The following SLC38A10 variants were observed in gnomAD, a reference collection of about 807,000 sequenced individuals.
The protein encoded by SLC38A10 is Sodium-coupled neutral amino acid transporter 10.
A neutral mutation model predicts 81.0 loss-of-function variants in SLC38A10; 53 were observed. That is an observed-to-expected ratio of 0.65 (90% CI 0.53 to 0.82). The LOEUF is 0.82. SLC38A10 is among the 40% of genes least tolerant of loss of function. The pLI, the probability that SLC38A10 is intolerant of heterozygous loss-of-function variation, is 0.00. For missense variants in SLC38A10, 1,471 were observed against 1,545.0 expected, an observed-to-expected ratio of 0.95 and a Z score of 0.80; for synonymous variants, 665 against 655.3, an observed-to-expected ratio of 1.01 and a Z score of -0.23.
At chr17:81,269,950 G>A (rs1318634563) in intron 10 of SLC38A10, among the ~76,000 whole-genome samples, 1 of 152,114 alleles carries the variant, frequency 6.6e-6, no homozygotes, top group Non-Finnish European at 1.5e-5. Context: ...GGCAACAAGA[G>A]TGAAACTCTG....
At chr17:81,284,940 G>C in intron 2 of SLC38A10, 45 bp from the exon 3 acceptor site, 2 of 1,518,282 alleles carry the variant, frequency 1.3e-6, no homozygotes, top group Non-Finnish European at 1.8e-6. Flanking sequence ...AGCGTGAGAA[G>C]CTCGTCCAGA....
intron 4 of SLC38A10, among the ~76,000 whole-genome samples, chr17:81,282,969 G>C (rs1238184013): frequency 6.6e-6 from 1 of 152,204 alleles, no homozygotes; most frequent in African/African-American, 2.4e-5. Flanking sequence ...GGGCCCGTCA[G>C]GTGGGCCTCT....
intron 1 of SLC38A10, 107 bp downstream of exon 1, chr17:81,294,716 G>GC: frequency 2.0e-6 from 2 of 1,025,206 alleles, no homozygotes; most frequent in Admixed American, 8.1e-5. Flanking sequence ...GCCTGCACCC[G>GC]CCCAGCGAAG....
chr17:81,287,157 C>T (rs1387272589), intron 2 of SLC38A10, among the ~76,000 whole-genome samples: 1 of 152,232 alleles, frequency 6.6e-6, no homozygotes, highest in Non-Finnish European at 1.5e-5. Context: ...AAAAACGACA[C>T]CTCTCCAGGC....
In SLC38A10 at chr17:81,274,147, C is replaced by T. The variant is rs571428075; in HGVS notation, c.913-1520G>A. On this transcript the variant is annotated intron_variant, in intron 8 of 15. Coordinates refer to ENST00000374759, the MANE Select transcript of SLC38A10 (RefSeq NM_001037984.3). ...CTGAAAGTTGGCCTGGCCAGATGCG[C>T]GGAGGGACCCCACGGCCATATGACG... is the stretch of plus-strand genomic sequence containing the variant. Among the ~76,000 whole-genome samples, 70 of 152,360 alleles carry T rather than the reference C, an allele frequency of 4.6e-4. 2 individuals are homozygous for T. In the South Asian group the frequency reaches 0.014, roughly 30 times the overall value.
At position 81,262,617 on chromosome 17, in the gene SLC38A10, G is replaced by A. The variant is rs369896419; in HGVS notation, c.1132-2223C>T. ...CCCATAACACCAACACGCTAATTAC[G>A]GGATCTTGGTGAGAGTACCTAAATG... is the stretch of plus-strand genomic sequence containing the variant. On this transcript the variant is annotated intron_variant, in intron 10 of 15. Transcript: ENST00000374759. 7.2e-5 allele frequency among the ~76,000 whole-genome samples: 11 copies of A among 152,288 alleles called. No homozygotes were observed. In the East Asian group the frequency reaches 1.4e-3, roughly 19 times the overall value.
In SLC38A10 at chr17:81,280,667, G is replaced by A. The variant is rs537137584; in HGVS notation, c.568C>T (p.Arg190Cys). The A allele has an allele frequency of 4.0e-5, 64 of 1,610,858 alleles. 1 individual carries two copies. The South Asian group carries it at 5.9e-4, about 15-fold the overall frequency. Residue 190 changes from arginine to cysteine, a missense_variant, in exon 6 of 16, where the codon CGC (arginine) becomes TGC (cysteine). Coordinates refer to ENST00000374759, the MANE Select transcript of SLC38A10 (RefSeq NM_001037984.3). The stretch of plus-strand genomic sequence containing the variant: ...ATGCAGCGGAAGACGCCCTCCCAGC[G>A]GACGTAGCTGACCCGCCGCAGCCAC... ...GQWLRRVSYV[R>C]WEGVFRCIPI...
Position 81,281,836 on chromosome 17 carries a change from C to T in SLC38A10, c.501+353G>A, listed in dbSNP as rs771450877. ...CCACCTTGTGTCAAAACACTGGCAC[C>T]GTGAGCCTTGGTCACAAACCCTACA... On this transcript the variant is annotated intron_variant, in intron 5 of 15. Coordinates refer to ENST00000374759, the MANE Select transcript of SLC38A10 (RefSeq NM_001037984.3). This position sits in a 1 kb window ranked among gnomAD's most constrained non-coding sequence, Gnocchi z 5.3. Among the ~76,000 whole-genome samples the T allele has an allele frequency of 6.6e-6, 1 of 152,174 alleles. No individual in the cohort carries two copies.
Position 81,245,751 on chromosome 17 carries a change from GT to G in SLC38A10, c.3164del (p.Asp1055AlafsTer28), listed in dbSNP as rs774104907. The part of the protein sequence containing the change: ...AGSDLRRRRR[D>X]LGPHAEGQLA... The stretch of plus-strand genomic sequence containing the variant: ...GCTGACCCTCTGCATGAGGGCCAAG[GT>G]CCCGCCGTCGCCTCCGGAGGTCGGA... On this transcript the variant is annotated frameshift_variant, in exon 16 of 16. Transcript: ENST00000374759. LOFTEE classifies it low-confidence loss of function (END_TRUNC). 14 of 1,595,942 alleles carry G rather than the reference GT, an allele frequency of 8.8e-6. No homozygotes were observed. In the South Asian group the frequency reaches 1.4e-4, roughly 16 times the overall value.
chr17:81,254,063 C>T (rs758431041), intron 11 of SLC38A10, among the ~76,000 whole-genome samples: 2 of 151,998 alleles, frequency 1.3e-5, no homozygotes, highest in East Asian at 1.9e-4. Context: ...CCTCCATCAT[C>T]GTCGTCACCT....
At chr17:81,260,831 C>T (rs118136585) in intron 10 of SLC38A10, among the ~76,000 whole-genome samples, 2,336 of 152,346 alleles carry the variant, frequency 0.015, 30 homozygotes, top group Middle Eastern at 0.031. Flanking sequence ...TGAGCACTGC[C>T]CAACCTGCCT....
At chr17:81,252,742 G>A (rs982104648) in intron 12 of SLC38A10, 59 bp from the exon 13 acceptor site, 3 of 1,523,786 alleles carry the variant, frequency 2.0e-6, no homozygotes, top group African/African-American at 1.4e-5. Flanking sequence ...CCTTCCCAGG[G>A]AATTAGAACT....
intron 14 of SLC38A10, 144 bp downstream of exon 14, chr17:81,251,349 G>A (rs200982751): frequency 1.7e-4 from 280 of 1,612,930 alleles, no homozygotes; most frequent in Non-Finnish European, 2.1e-4. Context: ...AAAGCTCTCC[G>A]AGGGGTCTGC....
At chr17:81,290,819 A>T (rs2063304348) in intron 1 of SLC38A10, among the ~76,000 whole-genome samples, 1 of 152,094 alleles carries the variant, frequency 6.6e-6, no homozygotes, top group South Asian at 2.1e-4. Context: ...CCTCCTGGCC[A>T]ACATGGTGAA....
rs1179043406 is a variant in SLC38A10 at position 81,249,158 on chromosome 17, C to A, written c.2066-2097G>T. On this transcript the variant is annotated intron_variant, in intron 14 of 15. Coordinates refer to ENST00000374759, the MANE Select transcript of SLC38A10 (RefSeq NM_001037984.3). ...GCTCCTCAAAGGACTAGCCCTGGGC[C>A]TGGTGCTGGGAAGAGGAGGAAAGAG... Among the ~76,000 whole-genome samples the A allele has an allele frequency of 7.5e-5, 10 of 133,612 alleles. No homozygotes were observed. In the East Asian group the frequency reaches 2.7e-3, roughly 36 times the overall value. The allele number at this position is 133,612 out of a possible 152,430, so 87.7% of individuals were successfully genotyped here.
In SLC38A10 at chr17:81,262,768, C is replaced by T. The variant is rs78134437; in HGVS notation, c.1132-2374G>A. Among the ~76,000 whole-genome samples, 954 of 152,342 alleles carry T rather than the reference C, an allele frequency of 6.3e-3. 7 individuals carry two copies. Among genetic ancestry groups the T allele is most frequent in the African/African-American group, 0.022 (908 of 41,570 alleles). The stretch of plus-strand genomic sequence containing the variant: ...AGACCCGGCCCCTCCAGGCCTCAAA[C>T]GCTTTAGACCCAAAGATAAAGACAT... On this transcript the variant is annotated intron_variant, in intron 10 of 15. Coordinates refer to ENST00000374759, the MANE Select transcript of SLC38A10 (RefSeq NM_001037984.3).
In SLC38A10 at chr17:81,281,507, T is replaced by C. The variant is rs2063212018; in HGVS notation, c.501+682A>G. Among the ~76,000 whole-genome samples, 1 of 152,098 alleles carries C rather than the reference T, an allele frequency of 6.6e-6. No individual in the cohort carries two copies. The highest frequency in any genetic ancestry group is 1.5e-5 in the Non-Finnish European group (1 of 68,020). ...GAAAAATAATAGCGGCCGGGCGTGG[T>C]GGCTCATGCCTGTAACCCCAGCACT... On this transcript the variant is annotated intron_variant, in intron 5 of 15. Transcript: ENST00000374759. This position sits in a 1 kb window ranked among gnomAD's most constrained non-coding sequence, Gnocchi z 5.3.
rs2063101423 is a variant in SLC38A10 at position 81,270,097 on chromosome 17, A to T, written c.1131+821T>A. ...CTTCTAAACCCATGAAAAGACACTC[A>T]AGTTCCCGCCAGAGAGGCCAAGAAT... On this transcript the variant is annotated intron_variant, in intron 10 of 15. Coordinates refer to ENST00000374759, the MANE Select transcript of SLC38A10 (RefSeq NM_001037984.3). The surrounding 1 kb of genome is among the most constrained non-coding windows in gnomAD (Gnocchi z 4.0). Among the ~76,000 whole-genome samples the T allele has an allele frequency of 6.6e-6, 1 of 152,230 alleles. No homozygotes were observed. The highest frequency in any genetic ancestry group is 2.4e-5 in the African/African-American group (1 of 41,468).
Position 81,245,059 on chromosome 17 carries a change from AAC to A in SLC38A10, c.*495_*496del, listed in dbSNP as rs1386774793. On this transcript the variant is annotated 3_prime_UTR_variant, in exon 16 of 16. Coordinates refer to ENST00000374759, the MANE Select transcript of SLC38A10 (RefSeq NM_001037984.3). The stretch of plus-strand genomic sequence containing the variant: ...TACCACACTGTGGGAAGCATCGATA[AAC>A]AGTCATAATAATTATCATTCTGAGT... 1.3e-5 allele frequency: 2 copies of A among 158,270 alleles called. No individual in the cohort carries two copies. Among genetic ancestry groups the A allele is most frequent in the African/African-American group, 4.8e-5 (2 of 41,698 alleles). 9.8% of individuals were successfully genotyped at this position (158,270 alleles called of 1,614,324 possible).
Sources: allele counts gnomAD v4.1 joint callset (sites outside exome capture counted in the v4.1 genomes callset), GRCh38; gene constraint gnomAD v4.1.1; non-coding constraint Gnocchi (gnomAD v3.1); transcripts MANE v1.5; gene names NCBI Gene and HGNC (gene_info 2026-07-23, HGNC 2026-07-21).